The following ARIH2 variants were observed in gnomAD, a reference collection of about 807,000 sequenced individuals.
ARIH2 encodes the protein E3 ubiquitin-protein ligase ARIH2.
Under a neutral mutation model 79.8 loss-of-function variants are expected in ARIH2, and 12 were observed. The observed-to-expected ratio is 0.15, with a 90% CI of 0.10 to 0.24. The LOEUF (loss-of-function observed/expected upper bound fraction) is 0.24, where lower values mean the gene tolerates loss of function less well. Ranked by LOEUF, ARIH2 falls within the 10% of genes least tolerant of loss-of-function variation. ARIH2 has a pLI of 1.00. For synonymous variants in ARIH2, 224 were observed against 213.9 expected (o/e 1.05, Z -0.41); for missense variants, 301 against 618.3 (o/e 0.49, Z 5.44).
chr3:48,924,961 T>G (rs1035861272), intron 2 of ARIH2: 1 of 152,322 alleles, frequency 6.6e-6, no homozygotes, highest in African/African-American at 2.4e-5. Flanking sequence ...CCCAAAGTGC[T>G]GGGATTACAG....
chr3:48,931,069 CTT>C lies in ARIH2; in HGVS notation c.255+3260_255+3261del, dbSNP rs1235752176. Among the ~76,000 whole-genome samples, 4 of 152,116 alleles carry C rather than the reference CTT, an allele frequency of 2.6e-5. No homozygotes were observed. In the South Asian group the frequency reaches 6.2e-4, roughly 24 times the overall value. Reference sequence around the variant, plus strand: ...TACTGCCATTTGGGATTTGAAGTCTCTTTTTAAAAATTATTATTTAAAAAAAA... The same window carrying C: ...TACTGCCATTTGGGATTTGAAGTCTCTTTAAAAATTATTATTTAAAAAAAA... On this transcript the variant is annotated intron_variant, in intron 3 of 15. Coordinates refer to ENST00000356401, the MANE Select transcript of ARIH2 (RefSeq NM_006321.4).
rs372287013 is a variant in ARIH2 at position 48,918,926 on chromosome 3, A to G, written c.-234A>G. On this transcript the variant is annotated 5_prime_UTR_variant, in exon 1 of 16. Coordinates refer to ENST00000356401, the MANE Select transcript of ARIH2 (RefSeq NM_006321.4). ...CCGCCTCCGCTGCCGCTTCGCCCCA[A>G]TCCGGTCCCTCTGGCCCGGCCTGAC... 178 of 1,594,780 alleles carry G rather than the reference A, an allele frequency of 1.1e-4. No homozygotes were observed. The highest frequency in any genetic ancestry group is 1.7e-4 in the Middle Eastern group (1 of 5,776).
chr3:48,954,013 T>C (rs2090297519), intron 3 of ARIH2, among the ~76,000 whole-genome samples: 1 of 151,452 alleles, frequency 6.6e-6, no homozygotes, highest in African/African-American at 2.4e-5. Context: ...ATACAAAAAT[T>C]AGCCGGGAGT....
At chr3:48,920,149 T>G (rs1025340942) in intron 1 of ARIH2, among the ~76,000 whole-genome samples, 1 of 152,012 alleles carries the variant, frequency 6.6e-6, no homozygotes, top group Middle Eastern at 3.4e-3. Flanking sequence ...CTGGCTAATT[T>G]GTAAAATTTT....
At chr3:48,964,823 A>G (rs562895394) in intron 4 of ARIH2, 96 bp from the exon 5 acceptor site, 1 of 951,564 alleles carries the variant, frequency 1.1e-6, no homozygotes, top group East Asian at 2.6e-5. Context: ...AGTAGAGACA[A>G]AGATGCTCTA....
At chr3:48,961,966 C>T (rs558009558) in intron 4 of ARIH2, among the ~76,000 whole-genome samples, 9 of 152,204 alleles carry the variant, frequency 5.9e-5, no homozygotes, top group Admixed American at 2.0e-4. Flanking sequence ...ATTTTCTTTC[C>T]CATTGTTAAT....
rs563429859 is a variant in ARIH2, at chr3:48,984,833, C to T, written c.*1563C>T. On this transcript the variant is annotated 3_prime_UTR_variant, in exon 16 of 16. Transcript: ENST00000356401. ...GCTATAAAACAGTCATTCTTAAAGACAGAGGATAGCTGTGACTCATGGGAT... is the reference window on the plus strand; with the variant it reads ...GCTATAAAACAGTCATTCTTAAAGATAGAGGATAGCTGTGACTCATGGGAT... 6.6e-6 allele frequency: 1 copy of T among 152,330 alleles called. No homozygotes were observed. Among genetic ancestry groups the T allele is most frequent in the South Asian group, 2.1e-4 (1 of 4,830 alleles). The allele number at this position is 152,330 out of a possible 1,614,324, so 9.4% of individuals were successfully genotyped here. A position where few individuals can be genotyped will look rare whatever the true frequency, so the allele number is the denominator to read the frequency against.
chr3:48,978,256 AT>A lies in ARIH2; in HGVS notation c.962-1209del, dbSNP rs548878345. ...CAATAATTTTTTGAACATATAGGGG[AT>A]TTTTTTTTTTTTTTTTGAGACACAG... On this transcript the variant is annotated intron_variant, in intron 11 of 15. Transcript: ENST00000356401. 3.1e-3 allele frequency among the ~76,000 whole-genome samples: 410 copies of A among 133,728 alleles called. 1 individual carries two copies. The highest frequency in any genetic ancestry group is 4.4e-3 in the Admixed American group (58 of 13,244). 87.7% of individuals were successfully genotyped at this position (133,728 alleles called of 152,430 possible).
intron 3 of ARIH2, among the ~76,000 whole-genome samples, chr3:48,959,616 AC>A (rs1319158203): frequency 6.8e-6 from 1 of 146,964 alleles, no homozygotes; most frequent in African/African-American, 2.5e-5. Flanking sequence ...ATTCTGGCTA[AC>A]ATGGTGAAAC....
intron 3 of ARIH2, among the ~76,000 whole-genome samples, chr3:48,930,495 AT>A (rs944908514): frequency 1.3e-5 from 2 of 149,496 alleles, no homozygotes; most frequent in Non-Finnish European, 3.0e-5. Context: ...AACAACAAAA[AT>A]TTTTTTTTTG....
chr3:48,919,820 G>A (rs1351420412), intron 1 of ARIH2, among the ~76,000 whole-genome samples: 1 of 152,170 alleles, frequency 6.6e-6, no homozygotes, highest in Non-Finnish European at 1.5e-5. Context: ...CTTCGGAGGT[G>A]TAGTTAGTAA....
At position 48,959,740 on chromosome 3, in the gene ARIH2, A is replaced by AC. The variant is rs546222330; in HGVS notation, c.256-1867dup. 6.7e-5 allele frequency among the ~76,000 whole-genome samples: 10 copies of AC among 150,138 alleles called. No individual in the cohort carries two copies. The South Asian group carries it at 2.1e-3, about 32-fold the overall frequency. On this transcript the variant is annotated intron_variant, in intron 3 of 15. Coordinates refer to ENST00000356401, the MANE Select transcript of ARIH2 (RefSeq NM_006321.4). Reference sequence around the variant, plus strand: ...CACTTACCTTGGAAGGAAAATAGAGACCCCCATCCTGAGTGAAGTAAGCTG... The same window carrying AC: ...CACTTACCTTGGAAGGAAAATAGAGACCCCCCATCCTGAGTGAAGTAAGCTG...
At chr3:48,945,489 CTG>C (rs1438497632) in intron 3 of ARIH2, among the ~76,000 whole-genome samples, 3 of 152,152 alleles carry the variant, frequency 2.0e-5, no homozygotes, top group Admixed American at 6.6e-5. Context: ...CAAATAATAA[CTG>C]TTAAATTTCC....
In ARIH2 at chr3:48,973,823, ACCG is replaced by A. The variant is rs2092369915; in HGVS notation, c.888+8_888+10del. On this transcript the variant is annotated splice_region_variant and intron_variant, in intron 9 of 15. Coordinates refer to ENST00000356401, the MANE Select transcript of ARIH2 (RefSeq NM_006321.4). ...TAGTGCTCACACTAAAGACGTAAGG[ACCG>A]TATTTTACCTCTCATGGATTTGCCC... is the stretch of plus-strand genomic sequence containing the variant. 1 of 1,592,256 alleles carries A rather than the reference ACCG, an allele frequency of 6.3e-7. No homozygotes were observed. Among genetic ancestry groups the A allele is most frequent in the African/African-American group, 1.3e-5 (1 of 74,400 alleles).
At chr3:48,956,080 TGA>T (rs889550647) in intron 3 of ARIH2, among the ~76,000 whole-genome samples, 2 of 152,030 alleles carry the variant, frequency 1.3e-5, no homozygotes, top group African/African-American at 4.8e-5. Context: ...AGTAGATTTT[TGA>T]GAGAGAGAGT....
intron 2 of ARIH2, among the ~76,000 whole-genome samples, chr3:48,923,261 C>T (rs931985254): frequency 1.4e-4 from 21 of 151,182 alleles, no homozygotes; most frequent in Admixed American, 1.2e-3. Context: ...ATTAGCTGGG[C>T]ATTGTGGCAT....
At chr3:48,929,870 A>G (rs2086141317) in intron 3 of ARIH2, among the ~76,000 whole-genome samples, 1 of 152,306 alleles carries the variant, frequency 6.6e-6, no homozygotes, top group East Asian at 1.9e-4. Context: ...CCTGTTGGAA[A>G]TGAAATGAAA....
Position 48,933,235 on chromosome 3 carries a change from G to GGTGT in ARIH2, c.255+5472_255+5475dup, listed in dbSNP as rs57911300. 5.6e-4 allele frequency among the ~76,000 whole-genome samples: 75 copies of GGTGT among 134,312 alleles called. 1 individual carries two copies. Among genetic ancestry groups the GGTGT allele is most frequent in the Non-Finnish European group, 1.1e-3 (66 of 62,784 alleles). 88.1% of individuals were successfully genotyped at this position (134,312 alleles called of 152,430 possible). A position where few individuals can be genotyped will look rare whatever the true frequency, so the allele number is the denominator to read the frequency against. Reference sequence around the variant, plus strand: ...ACCACAGGTGCGCACCACATGCCCGGGTGTGTGTGTGTGTGTGTGTGTGTG... The same window carrying GGTGT: ...ACCACAGGTGCGCACCACATGCCCGGGTGTGTGTGTGTGTGTGTGTGTGTGTGTG... On this transcript the variant is annotated intron_variant, in intron 3 of 15. Transcript: ENST00000356401.
At chr3:48,973,285 T>TA (rs1296310078) in intron 8 of ARIH2, among the ~76,000 whole-genome samples, 5 of 150,704 alleles carry the variant, frequency 3.3e-5, no homozygotes, top group Admixed American at 3.3e-4. Flanking sequence ...CTACTAAAAA[T>TA]ACAAAAATTA....
Sources: allele counts gnomAD v4.1 joint callset (sites outside exome capture counted in the v4.1 genomes callset), GRCh38; gene constraint gnomAD v4.1.1; transcripts MANE v1.5; gene names NCBI Gene and HGNC (gene_info 2026-07-23, HGNC 2026-07-21).